CCDC178: variants seen among roughly 807,000 people sequenced by gnomAD.
The protein encoded by CCDC178 is coiled-coil domain containing 178.
A neutral mutation model predicts 117.4 loss-of-function variants in CCDC178; 126 were observed. The ratio of observed to expected loss-of-function variants is 1.07; its 90% CI spans 0.93 to 1.24. The LOEUF is 1.24. Among genes scored for constraint, CCDC178 ranks in the 50% most tolerant of loss-of-function variants. The probability of loss-of-function intolerance (pLI) is 0.00; values close to 1 mark genes in which losing one functional copy is unlikely to be tolerated. For synonymous variants in CCDC178, 283 were observed against 313.4 expected, an observed-to-expected ratio of 0.90 and a Z score of 1.02; for missense variants, 1,030 against 986.9, an observed-to-expected ratio of 1.04 and a Z score of -0.59.
chr18:33,328,097 T>G (rs748303266), intron 10 of CCDC178: 14,462 of 165,594 alleles, frequency 0.087, 601 homozygotes, highest in Non-Finnish European at 0.099. Context: ...TTTTTTTTTT[T>G]TTTTTTTTTT....
chr18:33,204,867 T>G (rs1356502772), intron 20 of CCDC178, among the ~76,000 whole-genome samples: 1 of 152,096 alleles, frequency 6.6e-6, no homozygotes, highest in African/African-American at 2.4e-5. Flanking sequence ...AAGTGGAAAT[T>G]TACATGGTAA....
At chr18:33,088,706 C>G (rs1340673906) in intron 21 of CCDC178, among the ~76,000 whole-genome samples, 1 of 152,088 alleles carries the variant, frequency 6.6e-6, no homozygotes, top group Non-Finnish European at 1.5e-5. Flanking sequence ...GCAGAGTAGT[C>G]CTCTAATTCT....
intron 21 of CCDC178, among the ~76,000 whole-genome samples, chr18:33,024,876 C>A (rs1313979182): frequency 1.3e-5 from 2 of 150,678 alleles, no homozygotes; most frequent in African/African-American, 4.9e-5. Flanking sequence ...TGGTCTTGAT[C>A]TCCTGACCTC....
chr18:33,124,497 A>T (rs1484239938), intron 20 of CCDC178, among the ~76,000 whole-genome samples: 8 of 152,140 alleles, frequency 5.3e-5, no homozygotes, highest in Non-Finnish European at 1.2e-4. Context: ...CTCCTAAATT[A>T]TTTATTTTCT....
At chr18:33,366,971 CA>C (rs1445361239) in intron 6 of CCDC178, among the ~76,000 whole-genome samples, 3 of 152,020 alleles carry the variant, frequency 2.0e-5, no homozygotes, top group African/African-American at 7.2e-5. Flanking sequence ...TGTTAAGTGG[CA>C]AAAATGTTGA....
chr18:33,292,169 T>C (rs2060173943), intron 12 of CCDC178, among the ~76,000 whole-genome samples: 1 of 152,170 alleles, frequency 6.6e-6, no homozygotes, highest in South Asian at 2.1e-4. Flanking sequence ...ACCTAAGATA[T>C]GAAATCAACC....
intron 11 of CCDC178, among the ~76,000 whole-genome samples, chr18:33,309,717 C>T (rs982341517): frequency 1.3e-4 from 19 of 151,660 alleles, no homozygotes; most frequent in African/African-American, 4.6e-4. Flanking sequence ...TAAGTTGTGT[C>T]TTATTGAGAA....
At chr18:33,348,189 G>A (rs964099639) in intron 8 of CCDC178, among the ~76,000 whole-genome samples, 6 of 151,796 alleles carry the variant, frequency 4.0e-5, no homozygotes, top group Non-Finnish European at 7.4e-5. Context: ...TGAAAGCTTT[G>A]AAAAACAAAA....
intron 21 of CCDC178, among the ~76,000 whole-genome samples, chr18:33,069,441 CAATA>C (rs1423594982): frequency 9.9e-5 from 15 of 152,174 alleles, no homozygotes; most frequent in Admixed American, 8.5e-4. Context: ...ATACCCTCTT[CAATA>C]AATAGTGCTG....
intron 2 of CCDC178, among the ~76,000 whole-genome samples, chr18:33,426,307 G>A (rs781594949): frequency 3.9e-5 from 6 of 152,144 alleles, no homozygotes; most frequent in Non-Finnish European, 8.8e-5. Context: ...TTAGCTTGTA[G>A]CTTTATGTTT....
chr18:33,209,667 C>A (rs1156993032), intron 20 of CCDC178, among the ~76,000 whole-genome samples: 4 of 152,010 alleles, frequency 2.6e-5, no homozygotes, highest in Non-Finnish European at 5.9e-5. Flanking sequence ...AAATAAATAG[C>A]ATCATTAATG....
At chr18:33,069,694 C>A (rs1003901073) in intron 21 of CCDC178, among the ~76,000 whole-genome samples, 1 of 151,864 alleles carries the variant, frequency 6.6e-6, no homozygotes, top group Non-Finnish European at 1.5e-5. Context: ...TAAACTTCTA[C>A]AAATACTTCT....
At chr18:33,166,820 T>G (rs1001544784) in intron 20 of CCDC178, among the ~76,000 whole-genome samples, 5 of 152,122 alleles carry the variant, frequency 3.3e-5, no homozygotes, top group African/African-American at 1.2e-4. Flanking sequence ...ATGTGCAGGT[T>G]TGTTATATAG....
chr18:33,238,633 A>C (rs1214404407), intron 15 of CCDC178, among the ~76,000 whole-genome samples: 3 of 152,172 alleles, frequency 2.0e-5, no homozygotes, highest in Admixed American at 2.0e-4. Context: ...GACACCATTA[A>C]TGGGACAGCA....
chr18:32,969,330 C>T (rs2054877894), intron 22 of CCDC178, among the ~76,000 whole-genome samples: 2 of 151,978 alleles, frequency 1.3e-5, no homozygotes, highest in Non-Finnish European at 2.9e-5. Context: ...ACCCCCAGTC[C>T]ATTTGCTTCC....
intron 14 of CCDC178, among the ~76,000 whole-genome samples, chr18:33,261,202 G>A (rs1476547852): frequency 6.6e-6 from 1 of 152,142 alleles, no homozygotes; most frequent in African/African-American, 2.4e-5. Flanking sequence ...TCCTGCCTCA[G>A]CCTCCTAAGT....
chr18:32,963,641 G>A (rs150730924), intron 22 of CCDC178, among the ~76,000 whole-genome samples: 2 of 151,812 alleles, frequency 1.3e-5, no homozygotes, highest in Admixed American at 1.3e-4. Context: ...ACCTTTTGTC[G>A]ATGTACCCTC....
At chr18:33,076,560 A>G (rs2057211144) in intron 21 of CCDC178, among the ~76,000 whole-genome samples, 1 of 152,194 alleles carries the variant, frequency 6.6e-6, no homozygotes, top group African/African-American at 2.4e-5. Flanking sequence ...TTTGTGTGAT[A>G]TATTTGTCAG....
intron 5 of CCDC178, among the ~76,000 whole-genome samples, chr18:33,375,885 T>C: frequency 6.6e-6 from 1 of 152,086 alleles, no homozygotes; most frequent in African/African-American, 2.4e-5. Context: ...ATAATTTGAC[T>C]GAGAAGCATA....
Sources: gnomAD v4.1 joint callset for allele counts (sites outside exome capture counted in the v4.1 genomes callset) on GRCh38, gnomAD v4.1.1 for gene constraint, MANE v1.5 for transcripts, NCBI Gene and HGNC (gene_info 2026-07-23, HGNC 2026-07-21) for gene names.